MGAM: variants seen among roughly 807,000 people sequenced by gnomAD.
MGAM encodes the protein alpha-1,4-glucosidase.
In MGAM, 253 loss-of-function variants were observed where a neutral mutation model predicts 358.8. That is an observed-to-expected ratio of 0.71 (90% CI 0.64 to 0.78). The LOEUF (loss-of-function observed/expected upper bound fraction) is 0.78, where lower values mean the gene tolerates loss of function less well. MGAM is among the 30% of genes least tolerant of loss of function. MGAM has a pLI of 0.00. For synonymous variants in MGAM, 1,105 were observed against 1,227.1 expected (o/e 0.90, Z 2.08); for missense variants, 3,080 against 3,432.6 (o/e 0.90, Z 2.57).
upstream of MGAM, among the ~76,000 whole-genome samples, chr7:141,994,947 C>T (rs1390659794): frequency 6.6e-6 from 1 of 152,072 alleles, no homozygotes; most frequent in African/African-American, 2.4e-5. Flanking sequence ...GAAAACAGAC[C>T]AATACAGTGA....
chr7:142,097,360 C>T (rs554997068), intron 65 of MGAM, among the ~76,000 whole-genome samples: 6 of 151,194 alleles, frequency 4.0e-5, no homozygotes, highest in East Asian at 1.9e-4. Context: ...TTTTTTTTCC[C>T]GAAGTCCTGG....
chr7:141,990,578 C>T (rs1554447090), intron 2 of MGAM, among the ~76,000 whole-genome samples: 1 of 152,124 alleles, frequency 6.6e-6, no homozygotes. Context: ...TGTACTTTCC[C>T]AGAAGTGTCC....
Position 142,052,362 on chromosome 7 carries a change from A to G in MGAM, c.2874A>G (p.Ile958Met). The G allele has an allele frequency of 3.1e-6, 5 of 1,611,976 alleles. No individual in the cohort carries two copies. Among genetic ancestry groups the G allele is most frequent in the Non-Finnish European group, 4.2e-6 (5 of 1,178,990 alleles). ...ACACAGTGGAATGGAGCATAAAGATAAGGGATGAAGAAAAAATAGACTGTT... is the reference window on the plus strand; with the variant it reads ...ACACAGTGGAATGGAGCATAAAGATGAGGGATGAAGAAAAAATAGACTGTT... The part of the protein sequence containing the change: ...EAYTVEWSIK[I>M]RDEEKIDCYP... The change falls in exon 25 of 71, where the codon ATA becomes ATG. Residue 958 changes from isoleucine to methionine, a missense_variant. Coordinates refer to ENST00000475668, the MANE Select transcript of MGAM (RefSeq NM_001365693.1).
intron 36 of MGAM, 100 bp downstream of exon 36, chr7:142,063,686 C>T: frequency 1.5e-6 from 2 of 1,328,802 alleles, no homozygotes; most frequent in Non-Finnish European, 2.1e-6. Flanking sequence ...AGGGCACATC[C>T]TCATGGCTGC....
At position 142,065,392 on chromosome 7, in the gene MGAM, C is replaced by T. The variant is rs1812621915; in HGVS notation, c.4542C>T (p.Pro1514=). ...RGVVITRSTF[P]SSGRWAGHWL... is the part of the protein sequence containing the mutation. ...TCGTCATCACCCGCTCCACATTTCC[C>T]TCTTCTGGCCGCTGGGCAGGACATT... Residue 1514 remains proline, a synonymous_variant, in exon 38 of 71, where the codon CCC becomes CCT. Coordinates refer to ENST00000475668, the MANE Select transcript of MGAM (RefSeq NM_001365693.1). 1 of 1,611,084 alleles carries T rather than the reference C, an allele frequency of 6.2e-7. No individual in the cohort carries two copies. The highest frequency in any genetic ancestry group is 1.1e-5 in the South Asian group (1 of 90,378).
In MGAM at chr7:142,091,890, G is replaced by T. The variant is rs1815418613; in HGVS notation, c.6811-23G>T. 9.9e-6 allele frequency: 14 copies of T among 1,408,050 alleles called. 2 individuals carry two copies. Among genetic ancestry groups the T allele is most frequent in the African/African-American group, 2.8e-5 (2 of 70,946 alleles). 87.2% of individuals were successfully genotyped at this position (1,408,050 alleles called of 1,614,324 possible). On this transcript the variant is annotated intron_variant, in intron 57 of 70. Coordinates refer to ENST00000475668, the MANE Select transcript of MGAM (RefSeq NM_001365693.1). ...GTCTTCTATATTTGTGTGGGACAAAGAAATTATATTTCTTTTTTATAGCTA... is the reference window on the plus strand; with the variant it reads ...GTCTTCTATATTTGTGTGGGACAAATAAATTATATTTCTTTTTTATAGCTA...
intron 2 of MGAM, among the ~76,000 whole-genome samples, chr7:142,008,250 A>G (rs1311878551): frequency 3.9e-5 from 6 of 152,198 alleles, no homozygotes; most frequent in Admixed American, 1.3e-4. Context: ...TCTAGTCTAA[A>G]GGCGGAGTCC....
At chr7:142,045,497 A>G (rs1299951004) in intron 21 of MGAM, among the ~76,000 whole-genome samples, 1 of 110,792 alleles carries the variant, frequency 9.0e-6, no homozygotes, top group Non-Finnish European at 1.6e-5. Context: ...AATATATGAT[A>G]TTATATATTA....
In MGAM at chr7:142,021,017, T is replaced by C. The variant is rs782284852; in HGVS notation, c.492T>C (p.Phe164=). 1.9e-5 allele frequency: 30 copies of C among 1,613,720 alleles called. No individual in the cohort carries two copies. The highest frequency in any genetic ancestry group is 2.4e-5 in the Non-Finnish European group (28 of 1,179,790). Reference sequence around the variant, plus strand: ...AAAATCTGCCTTCTTCACCAGTGTTTGGAAGCAATGTTGACAATGTTCTTC... The same window carrying C: ...AAAATCTGCCTTCTTCACCAGTGTTCGGAAGCAATGTTGACAATGTTCTTC... ...RLKNLPSSPV[F]GSNVDNVLLT... Residue 164 remains phenylalanine, a synonymous_variant, in exon 5 of 71, where the codon TTT becomes TTC. Coordinates refer to ENST00000475668, the MANE Select transcript of MGAM (RefSeq NM_001365693.1).
intron 54 of MGAM, 87 bp downstream of exon 54, chr7:142,084,731 C>A: frequency 1.4e-6 from 2 of 1,453,174 alleles, no homozygotes; most frequent in South Asian, 1.2e-5. Context: ...TTGTGAGATT[C>A]TATAAAGACA....
At chr7:142,037,798 G>A (rs1808121266) in intron 18 of MGAM, among the ~76,000 whole-genome samples, 1 of 151,924 alleles carries the variant, frequency 6.6e-6, no homozygotes, top group African/African-American at 2.4e-5. Flanking sequence ...TATATTTATG[G>A]GGTATATGAG....
intron 9 of MGAM, among the ~76,000 whole-genome samples, 157 bp from the exon 10 acceptor site, chr7:142,027,453 A>T (rs747673225): frequency 6.6e-6 from 1 of 152,218 alleles, no homozygotes; most frequent in African/African-American, 2.4e-5. Context: ...ACCCTCAAAC[A>T]TTTATGAAGG....
rs1045854595 is a variant in MGAM, at chr7:142,007,718, A to T, written c.128-788A>T. Among the ~76,000 whole-genome samples the T allele has an allele frequency of 2.0e-5, 3 of 152,156 alleles. No homozygotes were observed. In the East Asian group the frequency reaches 5.8e-4, roughly 29 times the overall value. The stretch of plus-strand genomic sequence containing the variant: ...TCTAATTTACTGATTTTTAAATCTG[A>T]ATTCAAAGTTCACTAGCCCTTAGGT... On this transcript the variant is annotated intron_variant, in intron 2 of 70. Transcript: ENST00000475668.
intron 1 of MGAM, among the ~76,000 whole-genome samples, chr7:142,002,342 A>T (rs1422647335): frequency 2.0e-5 from 3 of 152,148 alleles, no homozygotes; most frequent in Admixed American, 6.6e-5. Context: ...TAACAAACTG[A>T]ATCCAACAGC....
rs1333868241 is a variant in MGAM at position 142,034,358 on chromosome 7, C to T, written c.1766C>T (p.Ser589Phe). 3.2e-6 allele frequency: 5 copies of T among 1,583,028 alleles called. No homozygotes were observed. The highest frequency in any genetic ancestry group is 2.3e-5 in the East Asian group (1 of 43,490). ...GACATTCACAATCTGTATGGCTACT[C>T]CATGGCGGTCGCCACAGCAGAGTAA... ...QYDIHNLYGYSMAVATAEAAK... is the reference protein window; with the variant it reads ...QYDIHNLYGYFMAVATAEAAK... The change falls in exon 15 of 71, where the codon TCC becomes TTC. Residue 589 changes from serine (S) to phenylalanine (F), a missense_variant. Coordinates refer to ENST00000475668, the MANE Select transcript of MGAM (RefSeq NM_001365693.1).
rs1357313205 is a variant in MGAM at position 142,070,995 on chromosome 7, G to T, written c.5063G>T (p.Gly1688Val). ...PRARWYDYYT[G>V]VDINARGEWK... ...TCTTTTACCTTCTTCTGCCCCCAGG[G>T]TGTGGATATTAATGCAAGAGGAGAG... Residue 1688 changes from glycine (G) to valine (V), a missense_variant and splice_region_variant, in exon 44 of 71, where the codon GGT becomes GTT. Physicochemically the swap from Gly to Val is moderately radical, Grantham distance 109. Around this residue, in one of 5 missense-constraint regions of MGAM, gnomAD observed 932 missense variants for 1,198.2 expected, o/e 0.78. Coordinates refer to ENST00000475668, the MANE Select transcript of MGAM (RefSeq NM_001365693.1). 2 of 1,556,160 alleles carry T rather than the reference G, an allele frequency of 1.3e-6. No homozygotes were observed. Among genetic ancestry groups the T allele is most frequent in the Non-Finnish European group, 1.8e-6 (2 of 1,132,444 alleles).
At chr7:142,098,380 T>C (rs922412026) in intron 66 of MGAM, among the ~76,000 whole-genome samples, 5 of 152,114 alleles carry the variant, frequency 3.3e-5, no homozygotes, top group Non-Finnish European at 5.9e-5. Flanking sequence ...AGAAGGCATT[T>C]CCTTGGTCTC....
chr7:141,987,920 T>C (rs1319267408), intron 2 of MGAM, among the ~76,000 whole-genome samples: 1 of 152,220 alleles, frequency 6.6e-6, no homozygotes, highest in Non-Finnish European at 1.5e-5. Context: ...TTCTGTTTCC[T>C]CATTTATACA....
chr7:142,080,870 G>A lies in MGAM; in HGVS notation c.5927G>A (p.Gly1976Asp). 6.4e-7 allele frequency: 1 copy of A among 1,556,558 alleles called. No homozygotes were observed. The highest frequency in any genetic ancestry group is 8.8e-7 in the Non-Finnish European group (1 of 1,132,546). ...AGCGTGCCATCCAGCACCCCTGAGG[G>A]TCAACTCTATGATGTCCTCATTAAG... ...IPSVPSSTPE[G>D]QLYDVLIKKN... is the part of the protein sequence containing the mutation. The change falls in exon 50 of 71, where the codon GGT becomes GAT. Residue 1976 changes from glycine (G) to aspartate (D), a missense_variant. This residue lies in a region of MGAM where 932 missense variants were observed against 1,198.2 expected (regional missense o/e 0.78). Coordinates refer to ENST00000475668, the MANE Select transcript of MGAM (RefSeq NM_001365693.1).
Sources: gnomAD v4.1 joint callset for allele counts (sites outside exome capture counted in the v4.1 genomes callset) on GRCh38, gnomAD v4.1.1 for gene constraint, gnomAD v4.1.1 regional missense constraint, MANE v1.5 for transcripts, NCBI Gene and HGNC (gene_info 2026-07-23, HGNC 2026-07-21) for gene names.